NPHP3: variants seen among roughly 807,000 people sequenced by gnomAD.
NPHP3 encodes the protein nephrocystin 3.
In NPHP3, 123 loss-of-function variants were observed where a neutral mutation model predicts 171.9. That is an observed-to-expected ratio of 0.72 (90% CI 0.62 to 0.83). The LOEUF is 0.83. NPHP3 is among the 40% of genes least tolerant of loss of function. The pLI is 0.00. For missense variants in NPHP3, 1,506 were observed against 1,591.9 expected (o/e 0.95, Z 0.92); for synonymous variants, 558 against 579.2 (o/e 0.96, Z 0.52).
intron 25 of NPHP3, 126 bp from the exon 26 acceptor site, chr3:132,682,944 CAG>C: frequency 4.4e-6 from 3 of 685,336 alleles, no homozygotes; most frequent in Non-Finnish European, 7.9e-6. Flanking sequence ...TGGGAATAAA[CAG>C]ATTAACTTAT....
intron 1 of NPHP3, among the ~76,000 whole-genome samples, chr3:132,720,992 A>C (rs1269938189): frequency 7.2e-5 from 11 of 151,750 alleles, no homozygotes; most frequent in Admixed American, 2.6e-4. Flanking sequence ...ATCTCGGCTC[A>C]CTGCAACCTC....
chr3:132,696,724 C>G lies in NPHP3; in HGVS notation c.2171+7G>C. The G allele has an allele frequency of 1.2e-6, 2 of 1,612,752 alleles. No homozygotes were observed. The highest frequency in any genetic ancestry group is 1.7e-6 in the Non-Finnish European group (2 of 1,178,788). ...GCAGAAGATCATGTAAAATAATCAC[C>G]ACTCACCGCGCGATCATTTTGCCGA... On this transcript the variant is annotated splice_region_variant and intron_variant, in intron 15 of 26. Coordinates refer to ENST00000337331, the MANE Select transcript of NPHP3 (RefSeq NM_153240.5).
At chr3:132,687,084 T>A (rs1351256167) in intron 22 of NPHP3, 67 bp downstream of exon 22, 1 of 762,188 alleles carries the variant, frequency 1.3e-6, no homozygotes, top group Non-Finnish European at 2.4e-6. Context: ...ACATGTGGGG[T>A]GTATGCATTT....
intron 1 of NPHP3, 84 bp from the exon 2 acceptor site, chr3:132,719,914 ATATATGTTACGTATCTT>A: frequency 7.8e-6 from 4 of 515,066 alleles, no homozygotes; most frequent in Non-Finnish European, 8.6e-6. Flanking sequence ...ATATATATAT[ATATATGTTACGTATCTT>A]AGAATTTTAA....
Position 132,681,962 on chromosome 3 carries a change from C to G in NPHP3, c.3941G>C (p.Ser1314Thr), listed in dbSNP as rs75316802. 1.2e-3 allele frequency: 1,886 copies of G among 1,614,114 alleles called. 21 individuals carry two copies. The African/African-American group carries it at 0.022, about 18-fold the overall frequency. ...ATTAGGAGAATGAGCTGTTTTTAAG[C>G]TAAACGTGTCTCCACTTGATGAATG... ...SRHSSSGDTF[S>T]LKTAHSPNVF... Residue 1314 changes from serine to threonine, a missense_variant, in exon 27 of 27, where the codon AGC (serine) becomes ACC (threonine). Physicochemically the swap from Ser to Thr is moderately conservative, Grantham distance 58 (BLOSUM62 1). Around this residue, in one of 3 missense-constraint regions of NPHP3, gnomAD observed 569 missense variants for 648.1 expected, o/e 0.88. Coordinates refer to ENST00000337331, the MANE Select transcript of NPHP3 (RefSeq NM_153240.5).
chr3:132,707,183 G>T (rs1370238516), intron 7 of NPHP3, among the ~76,000 whole-genome samples: 1 of 152,156 alleles, frequency 6.6e-6, no homozygotes, highest in Non-Finnish European at 1.5e-5. Flanking sequence ...ATCTAGGAAT[G>T]ATCAAATTTC....
chr3:132,681,873 C>T lies in NPHP3; in HGVS notation c.*37G>A, dbSNP rs763085697. 1 of 1,559,990 alleles carries T rather than the reference C, an allele frequency of 6.4e-7. No individual in the cohort carries two copies. Among genetic ancestry groups the T allele is most frequent in the Non-Finnish European group, 8.8e-7 (1 of 1,130,866 alleles). On this transcript the variant is annotated 3_prime_UTR_variant, in exon 27 of 27. Transcript: ENST00000337331. The stretch of plus-strand genomic sequence containing the variant: ...TGTTCCAAATGTTTAATTATTTTGT[C>T]TTAAGGTACATTTGCAAAGAATTCT...
rs1939082162 is a variant in NPHP3 at position 132,683,488 on chromosome 3, C to T, written c.3607G>A (p.Ala1203Thr). 13 of 1,612,930 alleles carry T rather than the reference C, an allele frequency of 8.1e-6. No homozygotes were observed. The highest frequency in any genetic ancestry group is 1.3e-5 in the African/African-American group (1 of 74,976). The change falls in exon 25 of 27, where the codon GCT (alanine) becomes ACT (threonine). Residue 1203 changes from alanine (A) to threonine (T), a missense_variant. Ala to Thr is a moderately conservative substitution (Grantham distance 58). Transcript: ENST00000337331. ...LDKAVPLYEL[A>T]VEIRQKSFGP... ...AAAGATTTCTGTCGAATTTCAACAG[C>T]CAATTCATACAAAGGTACAGCTTTG...
At position 132,716,877 on chromosome 3, in the gene NPHP3, CG is replaced by C; in HGVS notation, c.702del (p.Gly235GlufsTer9). 6.2e-7 allele frequency: 1 copy of C among 1,614,076 alleles called. No homozygotes were observed. The highest frequency in any genetic ancestry group is 8.5e-7 in the Non-Finnish European group (1 of 1,180,038). On this transcript the variant is annotated frameshift_variant, in exon 4 of 27. Coordinates refer to ENST00000337331, the MANE Select transcript of NPHP3 (RefSeq NM_153240.5). LOFTEE classifies it high-confidence loss of function. ...ATGGAAGGTTCACTTCCCAAGGCTC[CG>C]CCAGTCCAATATTCACATTGGGTTC... ...AAGTQCEYWT[G>X]GALGSEPSIG... is the part of the protein sequence containing the mutation.
At position 132,692,836 on chromosome 3, in the gene NPHP3, T is replaced by G; in HGVS notation, c.2311-18A>C. 6.2e-7 allele frequency: 1 copy of G among 1,610,744 alleles called. No homozygotes were observed. The highest frequency in any genetic ancestry group is 1.3e-5 in the African/African-American group (1 of 74,960). ...CAGAGGATCTAGGTAGAAAAACAAATTAACAGTAATCATAAAGCACCTGTA... is the reference window on the plus strand; with the variant it reads ...CAGAGGATCTAGGTAGAAAAACAAAGTAACAGTAATCATAAAGCACCTGTA... On this transcript the variant is annotated intron_variant, in intron 16 of 26. Transcript: ENST00000337331.
rs1576688460 is a variant in NPHP3, at chr3:132,719,796, T to A, written c.428A>T (p.Glu143Val). 4 of 1,599,506 alleles carry A rather than the reference T, an allele frequency of 2.5e-6. No individual in the cohort carries two copies. Among genetic ancestry groups the A allele is most frequent in the Non-Finnish European group, 1.7e-6 (2 of 1,171,084 alleles). ...LQKTYQKILR[E>V]KESALEAKYQ... is the part of the protein sequence containing the mutation. ...TTTCGCTTCTAAAGCACTTTCTTTT[T>A]CTCGAAGTATCTTCTGATACGTTTT... The change falls in exon 2 of 27, where the codon GAA becomes GTA. Residue 143 changes from glutamate to valine, a missense_variant. Glu to Val is a moderately radical substitution (Grantham distance 121, BLOSUM62 -2). Coordinates refer to ENST00000337331, the MANE Select transcript of NPHP3 (RefSeq NM_153240.5).
intron 12 of NPHP3, 84 bp from the exon 13 acceptor site, chr3:132,699,534 T>A (rs559715986): frequency 3.3e-6 from 3 of 916,900 alleles, no homozygotes; most frequent in Non-Finnish European, 5.1e-6. Flanking sequence ...TAAAATGAAA[T>A]TCTCATTAAG....
chr3:132,713,232 C>A lies in NPHP3; in HGVS notation c.1012G>T (p.Ala338Ser). The change falls in exon 6 of 27, where the codon GCT becomes TCT. Residue 338 changes from alanine (A) to serine (S), a missense_variant. This residue lies in a region of NPHP3 where 930 missense variants were observed against 924.9 expected (regional missense o/e 1.01). Transcript: ENST00000337331. ...MCETMGYFFHAVYFPIDVENQ... is the reference protein window; with the variant it reads ...MCETMGYFFHSVYFPIDVENQ... ...TCAACATCTATTGGAAAATAAACAG[C>A]ATGGAAAAAATATCCCATTGTCTCG... The A allele has an allele frequency of 6.2e-7, 1 of 1,601,014 alleles. No homozygotes were observed. Among genetic ancestry groups the A allele is most frequent in the Non-Finnish European group, 8.5e-7 (1 of 1,172,002 alleles).
chr3:132,696,958 G>A (rs1405999464), intron 14 of NPHP3, 145 bp from the exon 15 acceptor site: 2 of 746,836 alleles, frequency 2.7e-6, no homozygotes, highest in Non-Finnish European at 4.7e-6. Flanking sequence ...TGCAGTGGTG[G>A]CTCCTCGGCT....
chr3:132,699,901 C>T lies in NPHP3; in HGVS notation c.1887+17G>A. The T allele has an allele frequency of 6.2e-7, 1 of 1,613,670 alleles. No homozygotes were observed. Among genetic ancestry groups the T allele is most frequent in the African/African-American group, 1.3e-5 (1 of 74,974 alleles). On this transcript the variant is annotated intron_variant, in intron 12 of 26. Coordinates refer to ENST00000337331, the MANE Select transcript of NPHP3 (RefSeq NM_153240.5). ...TCTTTCTGAGCATATCAATAGGTAA[C>T]AAATGGAAAACGGTACCTGAACTTG...
intron 25 of NPHP3, 141 bp from the exon 26 acceptor site, chr3:132,682,959 A>C (rs1478405729): frequency 1.5e-6 from 1 of 665,380 alleles, no homozygotes; most frequent in Non-Finnish European, 2.7e-6. Context: ...TAACTTATGA[A>C]TAATCATAGG....
Position 132,690,546 on chromosome 3 carries a change from G to A in NPHP3, c.2675C>T (p.Ser892Phe). 6.2e-7 allele frequency: 1 copy of A among 1,613,318 alleles called. No individual in the cohort carries two copies. Among genetic ancestry groups the A allele is most frequent in the Non-Finnish European group, 8.5e-7 (1 of 1,179,392 alleles). Reference protein sequence around the residue: ...LHDCLLNLFVSQNLYKRGHFA... With the variant: ...LHDCLLNLFVFQNLYKRGHFA... ...TTCTTACCTTTTATAAAGGTTTTGA[G>A]ACACAAAGAGATTAAGAAGGCAATC... Residue 892 changes from serine to phenylalanine, a missense_variant, in exon 19 of 27, where the codon TCT (serine) becomes TTT (phenylalanine). Ser to Phe is a radical substitution (Grantham distance 155, BLOSUM62 -2). Coordinates refer to ENST00000337331, the MANE Select transcript of NPHP3 (RefSeq NM_153240.5).
chr3:132,705,936 A>G lies in NPHP3; in HGVS notation c.1276-122T>C, dbSNP rs3860501. 0.11 allele frequency: 64,560 copies of G among 592,028 alleles called. 4,239 individuals are homozygous for G. The highest frequency in any genetic ancestry group is 0.2 in the Admixed American group (6,882 of 34,654). 36.7% of individuals were successfully genotyped at this position (592,028 alleles called of 1,614,324 possible). On this transcript the variant is annotated intron_variant, in intron 7 of 26. Coordinates refer to ENST00000337331, the MANE Select transcript of NPHP3 (RefSeq NM_153240.5). Reference sequence around the variant, plus strand: ...CTAAATATTTAACACATATTAGCTAATTTATCTTCACAACAACCTTAGGAG... The same window carrying G: ...CTAAATATTTAACACATATTAGCTAGTTTATCTTCACAACAACCTTAGGAG...
intron 5 of NPHP3, among the ~76,000 whole-genome samples, chr3:132,713,794 T>C (rs1939976402): frequency 6.6e-6 from 1 of 152,188 alleles, no homozygotes. Context: ...CCTCAAAATG[T>C]CGTTGGGAAT....
Sources: gnomAD v4.1 joint callset for allele counts (sites outside exome capture counted in the v4.1 genomes callset) on GRCh38, gnomAD v4.1.1 for gene constraint, gnomAD v4.1.1 regional missense constraint, MANE v1.5 for transcripts, NCBI Gene and HGNC (gene_info 2026-07-23, HGNC 2026-07-21) for gene names.